DYM: variants seen among roughly 807,000 people sequenced by gnomAD.
The protein encoded by DYM is dymeclin.
Under a neutral mutation model 93.1 loss-of-function variants are expected in DYM, and 78 were observed. The ratio of observed to expected loss-of-function variants is 0.84; its 90% CI spans 0.70 to 1.01. DYM has a LOEUF of 1.01. Ranked by LOEUF, DYM falls within the 50% of genes least tolerant of loss-of-function variation. DYM has a pLI of 0.00. For missense variants in DYM, 789 were observed against 845.0 expected, an observed-to-expected ratio of 0.93 and a Z score of 0.82; for synonymous variants, 321 against 319.7, an observed-to-expected ratio of 1.00 and a Z score of -0.04.
chr18:49,194,558 A>G (rs1017877955), intron 14 of DYM, among the ~76,000 whole-genome samples: 10 of 152,218 alleles, frequency 6.6e-5, no homozygotes, highest in Non-Finnish European at 1.3e-4. Context: ...CAGTTAGTTA[A>G]TAAGTATTTT....
At chr18:49,190,309 A>G (rs573936287) in intron 14 of DYM, among the ~76,000 whole-genome samples, 4 of 152,310 alleles carry the variant, frequency 2.6e-5, no homozygotes, top group South Asian at 4.1e-4. Flanking sequence ...TACTTTTAAC[A>G]TTTTACAGAA....
At chr18:49,109,322 G>A (rs2081178864) in intron 16 of DYM, among the ~76,000 whole-genome samples, 1 of 151,986 alleles carries the variant, frequency 6.6e-6, no homozygotes, top group Admixed American at 6.6e-5. Context: ...GCCTGCCTTT[G>A]GACTGGGTAT....
intron 2 of DYM, among the ~76,000 whole-genome samples, chr18:49,407,446 T>C (rs1315877597): frequency 6.6e-6 from 1 of 152,234 alleles, no homozygotes; most frequent in Non-Finnish European, 1.5e-5. Flanking sequence ...AGCATGGTGT[T>C]AGCAACTGCT....
chr18:49,348,968 G>T (rs994793155), intron 6 of DYM, among the ~76,000 whole-genome samples: 2 of 151,030 alleles, frequency 1.3e-5, no homozygotes, highest in Admixed American at 6.6e-5. Context: ...AGCACTTTGG[G>T]AGGCCGAAGT....
At chr18:49,401,705 A>G (rs922569281) in intron 2 of DYM, among the ~76,000 whole-genome samples, 1 of 152,092 alleles carries the variant, frequency 6.6e-6, no homozygotes, top group Admixed American at 6.6e-5. Context: ...CCCGGAAGAT[A>G]ATTCAGTAAG....
intron 14 of DYM, among the ~76,000 whole-genome samples, chr18:49,192,130 A>G (rs1459570688): frequency 2.5e-5 from 3 of 120,032 alleles, no homozygotes; most frequent in Non-Finnish European, 4.9e-5. Context: ...TTTGAGACAG[A>G]GTCTTGCCTA....
chr18:49,419,683 A>C (rs868832190), intron 2 of DYM, among the ~76,000 whole-genome samples: 8 of 152,236 alleles, frequency 5.3e-5, no homozygotes, highest in Admixed American at 1.3e-4. Flanking sequence ...AGGCTTTCAG[A>C]ATTTTAATTC....
intron 17 of DYM, among the ~76,000 whole-genome samples, chr18:49,046,302 C>T (rs866051488): frequency 0.037 from 3,725 of 102,038 alleles, 51 homozygotes; most frequent in South Asian, 0.085. Context: ...GACATGCGCG[C>T]GCACACACAC....
chr18:49,300,078 T>TATATATAAATATATATATAAATATATAA (rs1320134940), intron 8 of DYM, among the ~76,000 whole-genome samples: 1 of 135,934 alleles, frequency 7.4e-6, no homozygotes, highest in East Asian at 2.0e-4. Flanking sequence ...TAAATATATA[T>TATATATAAATATATATATAAATATATAA]ATATATAAAT....
chr18:49,125,547 C>T (rs2082735106), intron 15 of DYM, among the ~76,000 whole-genome samples: 1 of 152,136 alleles, frequency 6.6e-6, no homozygotes, highest in Non-Finnish European at 1.5e-5. Context: ...TTATTATAGT[C>T]CAAAAACTAT....
At chr18:49,060,969 GA>G (rs1195053013) in intron 17 of DYM, among the ~76,000 whole-genome samples, 1 of 152,082 alleles carries the variant, frequency 6.6e-6, no homozygotes, top group East Asian at 1.9e-4. Flanking sequence ...CCTGGGTAGT[GA>G]GGGGGGCATG....
At chr18:49,158,634 T>C (rs2086711794) in intron 15 of DYM, among the ~76,000 whole-genome samples, 1 of 152,220 alleles carries the variant, frequency 6.6e-6, no homozygotes, top group South Asian at 2.1e-4. Flanking sequence ...TTCTACTCTC[T>C]GTCTTCATGA....
At chr18:49,281,599 T>C (rs559889412) in intron 10 of DYM, among the ~76,000 whole-genome samples, 1 of 152,332 alleles carries the variant, frequency 6.6e-6, no homozygotes, top group Admixed American at 6.5e-5. Flanking sequence ...GTGGCACATA[T>C]ACACCATGGA....
intron 6 of DYM, among the ~76,000 whole-genome samples, chr18:49,360,033 T>C (rs1441107316): frequency 1.3e-5 from 2 of 152,098 alleles, no homozygotes; most frequent in Admixed American, 1.3e-4. Context: ...TAAAGCTGAG[T>C]GTACATAATA....
At chr18:49,210,809 T>C (rs1414548041) in intron 13 of DYM, among the ~76,000 whole-genome samples, 13 of 152,316 alleles carry the variant, frequency 8.5e-5, no homozygotes, top group Non-Finnish European at 1.8e-4. Flanking sequence ...CTCTATACTT[T>C]CTGATCACTT....
At chr18:49,392,194 C>T (rs1009572184) in intron 2 of DYM, among the ~76,000 whole-genome samples, 1 of 151,946 alleles carries the variant, frequency 6.6e-6, no homozygotes, top group Non-Finnish European at 1.5e-5. Flanking sequence ...GATACAGAGA[C>T]AGACTCAAGA....
intron 1 of DYM, among the ~76,000 whole-genome samples, chr18:49,450,677 C>T (rs935565404): frequency 2.6e-5 from 4 of 152,120 alleles, no homozygotes; most frequent in African/African-American, 9.7e-5. Context: ...AAAACGATGT[C>T]CAATCTTCTT....
At chr18:49,361,307 G>A (rs558492482) in intron 6 of DYM, among the ~76,000 whole-genome samples, 18 of 152,222 alleles carry the variant, frequency 1.2e-4, no homozygotes, top group African/African-American at 3.4e-4. Flanking sequence ...TTCTCACTTC[G>A]AAATCTATAT....
chr18:49,130,240 C>T (rs1248014647), intron 15 of DYM, among the ~76,000 whole-genome samples: 1 of 152,168 alleles, frequency 6.6e-6, no homozygotes, highest in African/African-American at 2.4e-5. Context: ...AGCCCTCTGA[C>T]ACTGCAGACT....
Sources: gnomAD v4.1 joint callset for allele counts (sites outside exome capture counted in the v4.1 genomes callset) on GRCh38, gnomAD v4.1.1 for gene constraint, MANE v1.5 for transcripts, NCBI Gene and HGNC (gene_info 2026-07-23, HGNC 2026-07-21) for gene names.